The following AEBP2 variants were observed in gnomAD, a reference collection of about 807,000 sequenced individuals.
AEBP2 encodes the protein AE binding protein 2.
AEBP2 carries 10 observed loss-of-function variants against 50.8 expected under a neutral mutation model. The ratio of observed to expected loss-of-function variants is 0.20; its 90% CI spans 0.12 to 0.33. The LOEUF is 0.33. Ranked by LOEUF, AEBP2 falls within the 10% of genes least tolerant of loss-of-function variation. The pLI, the probability that AEBP2 is intolerant of heterozygous loss-of-function variation, is 1.00. For synonymous variants in AEBP2, 296 were observed against 261.3 expected (o/e 1.13, Z -1.28); for missense variants, 570 against 688.0 (o/e 0.83, Z 1.92).
chr12:19,409,328 T>C (rs2153363060), intron 1 of AEBP2, among the ~76,000 whole-genome samples: 1 of 146,268 alleles, frequency 6.8e-6, no homozygotes, highest in Non-Finnish European at 1.5e-5. Context: ...TTGAATCAAC[T>C]TTCTGCCTTC....
rs546464722 is a variant in AEBP2 at position 19,416,519 on chromosome 12, C to T, written c.-17+12303C>T. 3.3e-5 allele frequency among the ~76,000 whole-genome samples: 5 copies of T among 152,098 alleles called. No individual in the cohort carries two copies. In the South Asian group the frequency reaches 8.3e-4, roughly 25 times the overall value. On this transcript the variant is annotated intron_variant, in intron 1 of 3. Transcript: ENST00000538425. ...CTCCCAGGCTCAAGCGATTCTCCTG[C>T]CTCAGGCTCCCGAGTAGCTGGGATT...
intron 1 of AEBP2, among the ~76,000 whole-genome samples, chr12:19,447,070 G>A (rs1354128040): frequency 6.6e-6 from 1 of 152,204 alleles, no homozygotes; most frequent in East Asian, 1.9e-4. Context: ...CTGAAAACAT[G>A]TAGGCAGGAA....
intron 5 of AEBP2, among the ~76,000 whole-genome samples, chr12:19,510,013 A>G (rs1210245142): frequency 6.6e-6 from 1 of 151,778 alleles, no homozygotes; most frequent in African/African-American, 2.4e-5. Flanking sequence ...TTATATTTTT[A>G]GTAGAGATAG....
chr12:19,470,414 C>T (rs1948553568), intron 2 of AEBP2, among the ~76,000 whole-genome samples: 1 of 152,160 alleles, frequency 6.6e-6, no homozygotes, highest in South Asian at 2.1e-4. Flanking sequence ...ACCTCGGCCT[C>T]CTAAAGTGTT....
chr12:19,407,191 C>T (rs1040157711), intron 1 of AEBP2, among the ~76,000 whole-genome samples: 1 of 152,052 alleles, frequency 6.6e-6, no homozygotes, highest in Non-Finnish European at 1.5e-5. Flanking sequence ...CCAGCTACTC[C>T]GGAGGCTAAG....
At chr12:19,467,073 TA>T (rs1280362021) in intron 2 of AEBP2, among the ~76,000 whole-genome samples, 3 of 152,146 alleles carry the variant, frequency 2.0e-5, no homozygotes, top group East Asian at 1.9e-4. Context: ...AAAATTAAAC[TA>T]ATCTAAACAC....
In AEBP2 at chr12:19,479,717, GT is replaced by G. The variant is rs369410408; in HGVS notation, c.987+6393del. On this transcript the variant is annotated intron_variant, in intron 3 of 7. Transcript: ENST00000266508. Reference sequence around the variant, plus strand: ...ATTATTTAATGTCACCTCTTTGTGGGTTTTTTTTTTTTTTTTTTTTTTTTTT... The same window carrying G: ...ATTATTTAATGTCACCTCTTTGTGGGTTTTTTTTTTTTTTTTTTTTTTTTT... Among the ~76,000 whole-genome samples the G allele has an allele frequency of 4.0e-3, 90 of 22,332 alleles. 2 individuals carry two copies. Among genetic ancestry groups the G allele is most frequent in the Non-Finnish European group, 4.8e-3 (53 of 11,042 alleles). 14.7% of individuals were successfully genotyped at this position (22,332 alleles called of 152,430 possible).
chr12:19,456,748 G>A, intron 1 of AEBP2: 1 of 1,590,020 alleles, frequency 6.3e-7, no homozygotes, highest in Non-Finnish European at 8.6e-7. Context: ...AAAGCTTCAT[G>A]GTGCATTTCG....
At position 19,404,930 on chromosome 12, in the gene AEBP2, C is replaced by CTTT. The variant is rs34351225; in HGVS notation, c.-17+734_-17+736dup. On this transcript the variant is annotated intron_variant, in intron 1 of 3. Transcript: ENST00000538425. ...CGTGATTCCAACTTCCTTGGCTACTCTTTTTTTTTTTTTTTTTTTTTTCAG... is the reference window on the plus strand; with the variant it reads ...CGTGATTCCAACTTCCTTGGCTACTCTTTTTTTTTTTTTTTTTTTTTTTTTCAG... 5.6e-3 allele frequency among the ~76,000 whole-genome samples: 538 copies of CTTT among 95,508 alleles called. 15 individuals carry two copies. The highest frequency in any genetic ancestry group is 0.016 in the African/African-American group (362 of 23,180). 62.7% of individuals were successfully genotyped at this position (95,508 alleles called of 152,430 possible).
Position 19,473,241 on chromosome 12 carries a change from T to C in AEBP2, c.880-7T>C. On this transcript the variant is annotated splice_region_variant and splice_polypyrimidine_tract_variant and intron_variant, in intron 2 of 7. Transcript: ENST00000266508. Reference sequence around the variant, plus strand: ...GAAAATTAATATGGTTCTGTTTTTCTTAACAGGTATTTGTTTGCTTATGGA... The same window carrying C: ...GAAAATTAATATGGTTCTGTTTTTCCTAACAGGTATTTGTTTGCTTATGGA... 1 of 1,378,404 alleles carries C rather than the reference T, an allele frequency of 7.3e-7. No homozygotes were observed. The allele number at this position is 1,378,404 out of a possible 1,614,324, so 85.4% of individuals were successfully genotyped here.
At chr12:19,456,029 A>G (rs1230255980) in intron 1 of AEBP2, among the ~76,000 whole-genome samples, 3 of 152,036 alleles carry the variant, frequency 2.0e-5, no homozygotes, top group South Asian at 2.1e-4. Context: ...ATTAAAAAGT[A>G]CTGATTTTAA....
chr12:19,416,139 G>A (rs1003447083), intron 1 of AEBP2, among the ~76,000 whole-genome samples: 6 of 152,146 alleles, frequency 3.9e-5, no homozygotes, highest in Admixed American at 2.6e-4. Flanking sequence ...CCACGATAGC[G>A]TTGCCGTACT....
intron 1 of AEBP2, among the ~76,000 whole-genome samples, chr12:19,432,347 A>G (rs921101391): frequency 6.6e-6 from 1 of 152,218 alleles, no homozygotes. Context: ...TTCCCCTAAC[A>G]CAATGATCTC....
intron 3 of AEBP2, among the ~76,000 whole-genome samples, chr12:19,491,998 A>G (rs17346071): frequency 0.032 from 4,818 of 152,264 alleles, 116 homozygotes; most frequent in Non-Finnish European, 0.051. Context: ...GCAGCTTACA[A>G]TTGGTAGAGG....
rs987150419 is a variant in AEBP2, at chr12:19,519,712, T to C, written c.*1595T>C. 3.3e-5 allele frequency: 5 copies of C among 152,538 alleles called. No individual in the cohort carries two copies. Among genetic ancestry groups the C allele is most frequent in the African/African-American group, 1.2e-4 (5 of 41,458 alleles). 9.4% of individuals were successfully genotyped at this position (152,538 alleles called of 1,614,324 possible). On this transcript the variant is annotated 3_prime_UTR_variant, in exon 8 of 8. Coordinates refer to ENST00000266508, the MANE Select transcript of AEBP2 (RefSeq NM_153207.5). Reference sequence around the variant, plus strand: ...AGAATTAAAACCTTTGGTTCCAAAATGGGAAAGGTTCCACGATACATAAAT... The same window carrying C: ...AGAATTAAAACCTTTGGTTCCAAAACGGGAAAGGTTCCACGATACATAAAT...
rs557770392 is a variant in AEBP2 at position 19,513,712 on chromosome 12, G to A, written c.1368-959G>A. ...CAGGAGGTTGAAGCTGCAGTGAGCC[G>A]TGATTGTACCACTGCAACTCAAGCT... On this transcript the variant is annotated intron_variant, in intron 6 of 7. Transcript: ENST00000266508. 9.2e-5 allele frequency among the ~76,000 whole-genome samples: 14 copies of A among 152,236 alleles called. No homozygotes were observed. In the East Asian group the frequency reaches 1.2e-3, roughly 13 times the overall value.
chr12:19,414,209 C>A (rs2095741018), intron 1 of AEBP2, among the ~76,000 whole-genome samples: 1 of 151,986 alleles, frequency 6.6e-6, no homozygotes, highest in Non-Finnish European at 1.5e-5. Flanking sequence ...TCTTTATGAC[C>A]CGTATCTTGT....
At chr12:19,459,883 C>T (rs1203118031) in intron 1 of AEBP2, among the ~76,000 whole-genome samples, 6 of 152,068 alleles carry the variant, frequency 3.9e-5, no homozygotes, top group Admixed American at 3.3e-4. Flanking sequence ...AAAATGGATA[C>T]GTTTCTAGCA....
At chr12:19,477,687 A>G (rs1329837031) in intron 3 of AEBP2, among the ~76,000 whole-genome samples, 1 of 152,126 alleles carries the variant, frequency 6.6e-6, no homozygotes, top group Non-Finnish European at 1.5e-5. Flanking sequence ...TCGGTTAGCT[A>G]GTATTTTGTT....
Sources: gnomAD v4.1 joint callset for allele counts (sites outside exome capture counted in the v4.1 genomes callset) on GRCh38, gnomAD v4.1.1 for gene constraint, MANE v1.5 for transcripts, NCBI Gene and HGNC (gene_info 2026-07-23, HGNC 2026-07-21) for gene names.